The following HIVEP3 variants were observed in gnomAD, a reference collection of about 807,000 sequenced individuals.
HIVEP3 encodes HIVEP zinc finger 3, also known as transcription factor HIVEP3.
A neutral mutation model predicts 152.8 loss-of-function variants in HIVEP3; 49 were observed. The observed-to-expected ratio is 0.32, with a 90% CI of 0.26 to 0.41. The LOEUF is 0.41. HIVEP3 is among the 10% of genes least tolerant of loss of function. HIVEP3 has a pLI of 1.00. For synonymous variants in HIVEP3, 1,269 were observed against 1,289.0 expected (o/e 0.98, Z 0.33); for missense variants, 2,790 against 3,103.3 (o/e 0.90, Z 2.40).
chr1:41,626,085 C>T (rs1421424716), intron 3 of HIVEP3, among the ~76,000 whole-genome samples: 1 of 152,234 alleles, frequency 6.6e-6, no homozygotes, highest in African/African-American at 2.4e-5. Context: ...CCACTTCAGG[C>T]CCCTTCTGAA....
intron 1 of HIVEP3, among the ~76,000 whole-genome samples, chr1:41,944,386 G>A (rs1645063297): frequency 6.6e-6 from 1 of 152,120 alleles, no homozygotes; most frequent in Non-Finnish European, 1.5e-5. Flanking sequence ...TTTAACCAAG[G>A]CTATCCTCTC....
chr1:41,849,751 C>T (rs569713443), intron 1 of HIVEP3, among the ~76,000 whole-genome samples: 37 of 150,518 alleles, frequency 2.5e-4, no homozygotes, highest in African/African-American at 7.6e-4. Flanking sequence ...AGTGCAATGG[C>T]GCAATCTCGG....
chr1:41,654,090 T>C (rs1186638233), intron 2 of HIVEP3, among the ~76,000 whole-genome samples: 2 of 151,894 alleles, frequency 1.3e-5, no homozygotes, highest in African/African-American at 4.8e-5. Context: ...TATAGATATA[T>C]AGTCACTTGA....
chr1:41,755,821 T>C (rs1016853087), intron 1 of HIVEP3, among the ~76,000 whole-genome samples: 2 of 152,158 alleles, frequency 1.3e-5, no homozygotes, highest in African/African-American at 4.8e-5. Flanking sequence ...ATACTGACAA[T>C]ACCAAATGCT....
chr1:41,759,795 T>A (rs1385135826), intron 1 of HIVEP3, among the ~76,000 whole-genome samples: 1 of 152,204 alleles, frequency 6.6e-6, no homozygotes, highest in African/African-American at 2.4e-5. Flanking sequence ...CATGGGTTGG[T>A]CATTTCTTTG....
Position 41,513,614 on chromosome 1 carries a change from C to T in HIVEP3, c.5607G>A (p.Glu1869=). 2 of 1,613,840 alleles carry T rather than the reference C, an allele frequency of 1.2e-6. No homozygotes were observed. Among genetic ancestry groups the T allele is most frequent in the South Asian group, 1.1e-5 (1 of 91,076 alleles). Residue 1869 remains glutamate (E), a synonymous_variant, in exon 8 of 9, where the codon GAG becomes GAA. Transcript: ENST00000372583. ...ATGGTCTGGACAGCTCATCCTGGCT[C>T]TCCTCCTCATCCTCATCCTCGTCTT... is the stretch of plus-strand genomic sequence containing the variant. ...LDEDEDEDEE[E]SQDELSRPSS...
intron 1 of HIVEP3, among the ~76,000 whole-genome samples, chr1:41,887,265 T>G (rs2124435076): frequency 6.6e-6 from 1 of 152,286 alleles, no homozygotes; most frequent in Middle Eastern, 3.4e-3. Flanking sequence ...TTTCTGGATT[T>G]TATAAAGTTT....
At chr1:41,945,972 C>G (rs1014498216) in intron 1 of HIVEP3, among the ~76,000 whole-genome samples, 1 of 152,110 alleles carries the variant, frequency 6.6e-6, no homozygotes, top group African/African-American at 2.4e-5. Context: ...CTGAACTTGG[C>G]AACCTCAGAT....
intron 1 of HIVEP3, among the ~76,000 whole-genome samples, chr1:41,884,246 G>A (rs1644308397): frequency 1.3e-5 from 2 of 152,234 alleles, no homozygotes; most frequent in African/African-American, 4.8e-5. Flanking sequence ...GATTACAGGT[G>A]TGAGCCACCA....
At chr1:41,950,449 C>T (rs1243740567) in intron 1 of HIVEP3, among the ~76,000 whole-genome samples, 1 of 152,180 alleles carries the variant, frequency 6.6e-6, no homozygotes, top group Admixed American at 6.5e-5. Flanking sequence ...CCAGGAGTAA[C>T]ACATTGGTGA....
At chr1:41,751,643 C>T (rs1238574105) in intron 1 of HIVEP3, among the ~76,000 whole-genome samples, 3 of 152,142 alleles carry the variant, frequency 2.0e-5, no homozygotes, top group Non-Finnish European at 4.4e-5. Flanking sequence ...GCTTAAGACT[C>T]ACCCAGCCAA....
At chr1:41,820,661 G>A (rs1365604436) in intron 1 of HIVEP3, among the ~76,000 whole-genome samples, 1 of 152,160 alleles carries the variant, frequency 6.6e-6, no homozygotes, top group Non-Finnish European at 1.5e-5. Context: ...CCTGTCCCTT[G>A]AATTTTCTAC....
At chr1:41,653,689 A>G (rs1310690321) in intron 2 of HIVEP3, among the ~76,000 whole-genome samples, 4 of 152,154 alleles carry the variant, frequency 2.6e-5, no homozygotes, top group African/African-American at 9.7e-5. Flanking sequence ...GCGACACCAA[A>G]TGTTCGCATG....
At chr1:41,817,649 G>T (rs972379764) in intron 1 of HIVEP3, among the ~76,000 whole-genome samples, 1 of 152,152 alleles carries the variant, frequency 6.6e-6, no homozygotes, top group Non-Finnish European at 1.5e-5. Context: ...GATAATTACA[G>T]CCAGGAAGGT....
intron 1 of HIVEP3, among the ~76,000 whole-genome samples, chr1:41,975,149 A>G (rs533044301): frequency 6.6e-6 from 1 of 152,294 alleles, no homozygotes; most frequent in East Asian, 1.9e-4. Flanking sequence ...GGAGCCATCC[A>G]AGCTTCCAAG....
At chr1:41,855,737 C>T (rs953392314) in intron 1 of HIVEP3, among the ~76,000 whole-genome samples, 11 of 152,146 alleles carry the variant, frequency 7.2e-5, no homozygotes, top group Admixed American at 3.3e-4. Context: ...AGATTAGAAA[C>T]GGCACTAGGG....
rs1028956585 is a variant in HIVEP3 at position 41,509,841 on chromosome 1, A to T, written c.*610T>A. ...TTCTTGCAAAAAAAAAAAAAAAAAAAAAAAAGGAAAAGATTAGTTTTTCTG... is the reference window on the plus strand; with the variant it reads ...TTCTTGCAAAAAAAAAAAAAAAAAATAAAAAGGAAAAGATTAGTTTTTCTG... On this transcript the variant is annotated 3_prime_UTR_variant, in exon 9 of 9. Coordinates refer to ENST00000372583, the MANE Select transcript of HIVEP3 (RefSeq NM_024503.5). 1 of 151,010 alleles carries T rather than the reference A, an allele frequency of 6.6e-6. No individual in the cohort carries two copies. Among genetic ancestry groups the T allele is most frequent in the Non-Finnish European group, 1.5e-5 (1 of 67,672 alleles). The allele number at this position is 151,010 out of a possible 1,614,324, so 9.4% of individuals were successfully genotyped here.
intron 1 of HIVEP3, among the ~76,000 whole-genome samples, chr1:41,956,108 C>T (rs1204982865): frequency 1.3e-5 from 2 of 152,142 alleles, no homozygotes; most frequent in Non-Finnish European, 2.9e-5. Context: ...TGTCTAATGT[C>T]AACTACTTCT....
intron 1 of HIVEP3, among the ~76,000 whole-genome samples, chr1:41,890,128 G>A (rs534986786): frequency 6.6e-6 from 1 of 152,256 alleles, no homozygotes; most frequent in African/African-American, 2.4e-5. Context: ...TGTAAAATGG[G>A]GATGATGATA....
Sources: gnomAD v4.1 joint callset for allele counts (sites outside exome capture counted in the v4.1 genomes callset) on GRCh38, gnomAD v4.1.1 for gene constraint, MANE v1.5 for transcripts, NCBI Gene and HGNC (gene_info 2026-07-23, HGNC 2026-07-21) for gene names.